GDPD1: variants seen among roughly 807,000 people sequenced by gnomAD.
GDPD1 encodes lysophospholipase D GDPD1.
In GDPD1, 28 loss-of-function variants were observed where a neutral mutation model predicts 45.1. That is an observed-to-expected ratio of 0.62 (90% CI 0.46 to 0.85). The LOEUF is 0.85. Ranked by LOEUF, GDPD1 falls within the 40% of genes least tolerant of loss-of-function variation. GDPD1 has a pLI of 0.00. For missense variants in GDPD1, 256 were observed against 364.8 expected (o/e 0.70, Z 2.43); for synonymous variants, 139 against 131.4 (o/e 1.06, Z -0.40).
chr17:59,233,157 A>G (rs1006814341), intron 1 of GDPD1, among the ~76,000 whole-genome samples: 1 of 152,158 alleles, frequency 6.6e-6, no homozygotes, highest in Admixed American at 6.5e-5. Context: ...TGGAGGTTGC[A>G]GTGAGCCGAG....
chr17:59,226,145 C>A (rs754330611), intron 1 of GDPD1, among the ~76,000 whole-genome samples: 3 of 152,144 alleles, frequency 2.0e-5, no homozygotes, highest in Non-Finnish European at 4.4e-5. Context: ...CTTTTAATTT[C>A]TTTGCTCTTT....
chr17:59,251,378 G>T (rs1053430333), intron 4 of GDPD1, among the ~76,000 whole-genome samples: 5 of 152,042 alleles, frequency 3.3e-5, no homozygotes, highest in African/African-American at 4.8e-5. Context: ...AATTAGCCGG[G>T]CATGGTGACA....
chr17:59,264,990 G>A (rs955388864), intron 6 of GDPD1, among the ~76,000 whole-genome samples: 2 of 151,608 alleles, frequency 1.3e-5, no homozygotes, highest in East Asian at 2.0e-4. Flanking sequence ...ACAGTTGTAC[G>A]CCACCACGCC....
intron 1 of GDPD1, among the ~76,000 whole-genome samples, chr17:59,226,891 G>A (rs1404754297): frequency 6.6e-6 from 1 of 150,942 alleles, no homozygotes; most frequent in Non-Finnish European, 1.5e-5. Flanking sequence ...ATGTTGGCCA[G>A]GCTGGTCTTG....
At chr17:59,233,491 G>A (rs1227301915) in intron 1 of GDPD1, among the ~76,000 whole-genome samples, 1 of 130,590 alleles carries the variant, frequency 7.7e-6, no homozygotes, top group South Asian at 2.4e-4. Context: ...CAGCCTGGGC[G>A]ACAGAGCGAG....
rs1289079111 is a variant in GDPD1 at position 59,248,609 on chromosome 17, C to G, written c.322-131C>G. ...TTAATTTGCTGTTGGGGATGTTCTG[C>G]TAAGGGTGCCTAGTAAAGTGTTTTA... On this transcript the variant is annotated intron_variant, in intron 3 of 9. Transcript: ENST00000284116. The G allele has an allele frequency of 2.3e-5, 14 of 615,374 alleles. No homozygotes were observed. The Admixed American group carries it at 4.0e-4, about 18-fold the overall frequency. The allele number at this position is 615,374 out of a possible 1,614,324, so 38.1% of individuals were successfully genotyped here. A position where few individuals can be genotyped will look rare whatever the true frequency, so the allele number is the denominator to read the frequency against.
intron 5 of GDPD1, among the ~76,000 whole-genome samples, 155 bp from the exon 6 acceptor site, chr17:59,257,596 G>A (rs1370633382): frequency 6.6e-6 from 1 of 152,006 alleles, no homozygotes; most frequent in Non-Finnish European, 1.5e-5. Flanking sequence ...AATAAATTTT[G>A]CATTTTATAA....
At position 59,273,934 on chromosome 17, in the gene GDPD1, A is replaced by G; in HGVS notation, c.*161A>G. 1 of 792,246 alleles carries G rather than the reference A, an allele frequency of 1.3e-6. No individual in the cohort carries two copies. Among genetic ancestry groups the G allele is most frequent in the Non-Finnish European group, 1.6e-6 (1 of 636,896 alleles). 49.1% of individuals were successfully genotyped at this position (792,246 alleles called of 1,614,324 possible). On this transcript the variant is annotated 3_prime_UTR_variant, in exon 10 of 10. Transcript: ENST00000284116. Reference sequence around the variant, plus strand: ...TGAGAATGTAGAAACTATATATTATATGTATATTTATTTTAAATAATATTG... The same window carrying G: ...TGAGAATGTAGAAACTATATATTATGTGTATATTTATTTTAAATAATATTG...
At chr17:59,241,443 G>A (rs1017971702) in intron 2 of GDPD1, among the ~76,000 whole-genome samples, 1 of 152,014 alleles carries the variant, frequency 6.6e-6, no homozygotes, top group African/African-American at 2.4e-5. Context: ...TCAGCCTCCC[G>A]AGTAGCTGAG....
At chr17:59,232,809 A>C (rs1019613181) in intron 1 of GDPD1, among the ~76,000 whole-genome samples, 2 of 152,180 alleles carry the variant, frequency 1.3e-5, no homozygotes, top group African/African-American at 4.8e-5. Context: ...TTAAAAAGCC[A>C]TCTAGCAGAA....
chr17:59,248,678 A>G (rs576734758), intron 3 of GDPD1, 62 bp from the exon 4 acceptor site: 4 of 1,155,070 alleles, frequency 3.5e-6, no homozygotes, highest in Non-Finnish European at 5.1e-6. Context: ...TCTTAATGTA[A>G]CACATAAAAA....
At chr17:59,229,471 C>T (rs1302526690) in intron 1 of GDPD1, among the ~76,000 whole-genome samples, 3 of 151,744 alleles carry the variant, frequency 2.0e-5, no homozygotes, top group Non-Finnish European at 2.9e-5. Flanking sequence ...GTGATCTGCC[C>T]GCCTCGGCCT....
intron 3 of GDPD1, among the ~76,000 whole-genome samples, chr17:59,246,969 T>C (rs2047217221): frequency 6.6e-6 from 1 of 151,882 alleles, no homozygotes; most frequent in Non-Finnish European, 1.5e-5. Flanking sequence ...GGTTTCACCA[T>C]GTTGGCCAGG....
At chr17:59,236,329 G>A (rs1474577868) in intron 2 of GDPD1, among the ~76,000 whole-genome samples, 1 of 151,862 alleles carries the variant, frequency 6.6e-6, no homozygotes, top group Admixed American at 6.6e-5. Flanking sequence ...TTTTCATCTT[G>A]AACAGTTTTT....
intron 2 of GDPD1, among the ~76,000 whole-genome samples, chr17:59,240,572 G>T (rs972541352): frequency 6.6e-6 from 1 of 151,918 alleles, no homozygotes; most frequent in South Asian, 2.1e-4. Context: ...GGGCTCAAGC[G>T]ATCCTCCTGC....
intron 1 of GDPD1, among the ~76,000 whole-genome samples, chr17:59,230,954 G>C (rs1029760123): frequency 6.6e-6 from 1 of 152,194 alleles, no homozygotes; most frequent in African/African-American, 2.4e-5. Flanking sequence ...TGATGTAGCA[G>C]GCATGCATAA....
At chr17:59,236,657 G>A (rs968892996) in intron 2 of GDPD1, among the ~76,000 whole-genome samples, 2 of 152,014 alleles carry the variant, frequency 1.3e-5, no homozygotes, top group Admixed American at 6.6e-5. Context: ...CACCTCTCTC[G>A]GCTAGTTTTT....
chr17:59,250,131 G>A (rs960675090), intron 4 of GDPD1, among the ~76,000 whole-genome samples: 11 of 152,156 alleles, frequency 7.2e-5, no homozygotes, highest in African/African-American at 2.2e-4. Context: ...AGATGTGTTT[G>A]ATTTCAATTT....
chr17:59,223,397 A>G (rs1423805447), intron 1 of GDPD1, among the ~76,000 whole-genome samples: 1 of 152,212 alleles, frequency 6.6e-6, no homozygotes, highest in Non-Finnish European at 1.5e-5. Flanking sequence ...TGTACACTCA[A>G]TACTCCAGTT....
Sources: allele counts gnomAD v4.1 joint callset (sites outside exome capture counted in the v4.1 genomes callset), GRCh38; gene constraint gnomAD v4.1.1; transcripts MANE v1.5; gene names NCBI Gene and HGNC (gene_info 2026-07-23, HGNC 2026-07-21).